The following UBAP2L variants were observed in gnomAD, a reference collection of about 807,000 sequenced individuals.
UBAP2L encodes the protein ubiquitin associated protein 2 like.
A neutral mutation model predicts 130.6 loss-of-function variants in UBAP2L; 12 were observed. That is an observed-to-expected ratio of 0.09 (90% confidence interval 0.06 to 0.15). The LOEUF (loss-of-function observed/expected upper bound fraction) is 0.15. Among genes scored for constraint, UBAP2L ranks in the 10% least tolerant of loss-of-function variants. UBAP2L has a pLI of 1.00. For missense variants in UBAP2L, 965 were observed against 1,332.5 expected (o/e 0.72, Z 4.29); for synonymous variants, 503 against 524.7 (o/e 0.96, Z 0.57).
At chr1:154,220,576 G>T, upstream of UBAP2L, 1 of 671,144 alleles carries the variant, frequency 1.5e-6, no homozygotes, top group East Asian at 2.7e-5. Context: ...ACAGGCAGGA[G>T]AGCTGGGAAA....
At chr1:154,240,638 G>A (rs1207022641) in intron 8 of UBAP2L, among the ~76,000 whole-genome samples, 1 of 152,056 alleles carries the variant, frequency 6.6e-6, no homozygotes, top group East Asian at 1.9e-4. Flanking sequence ...TGCTGAGTAT[G>A]CATTTTTAAT....
intron 20 of UBAP2L, 80 bp from the exon 21 acceptor site, chr1:154,258,897 G>C (rs369640673): frequency 1.7e-6 from 2 of 1,167,270 alleles, no homozygotes; most frequent in South Asian, 1.3e-5. Context: ...ATGTTCTGTT[G>C]AATTAGCTTG....
chr1:154,227,196 G>T, intron 2 of UBAP2L, 86 bp from the exon 3 acceptor site: 1 of 1,110,924 alleles, frequency 9.0e-7, no homozygotes, highest in Non-Finnish European at 1.4e-6. Flanking sequence ...AAGAAAATTG[G>T]GGCAGTGGAG....
intron 15 of UBAP2L, 118 bp from the exon 16 acceptor site, chr1:154,254,718 A>G (rs1473425123): frequency 7.1e-6 from 8 of 1,121,426 alleles, no homozygotes; most frequent in Non-Finnish European, 1.0e-5. Context: ...CTTTTGGTTA[A>G]TTTACAGAGT....
intron 5 of UBAP2L, among the ~76,000 whole-genome samples, chr1:154,234,992 A>G (rs556082127): frequency 6.6e-6 from 1 of 152,294 alleles, no homozygotes; most frequent in East Asian, 1.9e-4. Context: ...TTTGACTTGC[A>G]GCTCTCCATT....
chr1:154,255,553 C>A, intron 17 of UBAP2L, 130 bp from the exon 18 acceptor site: 2 of 1,223,732 alleles, frequency 1.6e-6, no homozygotes, highest in Non-Finnish European at 2.4e-6. Context: ...GGCCATTGTG[C>A]TTAACATATG....
At chr1:154,254,249 G>A (rs1159727956) in intron 15 of UBAP2L, among the ~76,000 whole-genome samples, 160 bp downstream of exon 15, 1 of 152,222 alleles carries the variant, frequency 6.6e-6, no homozygotes, top group Non-Finnish European at 1.5e-5. Flanking sequence ...TGAATTAAAA[G>A]TTCTTATCAG....
chr1:154,237,630 C>G (rs1672104534), intron 8 of UBAP2L, among the ~76,000 whole-genome samples: 1 of 152,166 alleles, frequency 6.6e-6, no homozygotes, highest in Non-Finnish European at 1.5e-5. Flanking sequence ...TATTTGTTTT[C>G]TGTTACTGAG....
intron 23 of UBAP2L, among the ~76,000 whole-genome samples, chr1:154,261,362 C>G (rs1571941311): frequency 6.6e-6 from 1 of 152,204 alleles, no homozygotes; most frequent in African/African-American, 2.4e-5. Context: ...CACTCAGATT[C>G]ATTCATTCCC....
rs141464849 is a variant in UBAP2L at position 154,236,759 on chromosome 1, C to G, written c.590+148C>G. On this transcript the variant is annotated intron_variant, in intron 7 of 26. Coordinates refer to ENST00000428931, the MANE Select transcript of UBAP2L (RefSeq NM_014847.4). ...TTTCTTAGGGATAAACCTTTACCAC[C>G]TGGATCATTACCTATATTTTATATA... The G allele has an allele frequency of 4.0e-4, 309 of 781,360 alleles. 1 individual carries two copies. The African/African-American group carries it at 4.9e-3, about 12-fold the overall frequency. The allele number at this position is 781,360 out of a possible 1,614,324, so 48.4% of individuals were successfully genotyped here. A position where few individuals can be genotyped will look rare whatever the true frequency, so the allele number is the denominator to read the frequency against.
chr1:154,256,969 T>C (rs1167309206), intron 18 of UBAP2L, 94 bp from the exon 19 acceptor site: 56 of 1,415,094 alleles, frequency 4.0e-5, no homozygotes, highest in Non-Finnish European at 5.1e-5. Context: ...GTTGACATCA[T>C]AATATATTCA....
chr1:154,264,137 T>C (rs1254390059), intron 24 of UBAP2L, among the ~76,000 whole-genome samples: 1 of 152,236 alleles, frequency 6.6e-6, no homozygotes, highest in African/African-American at 2.4e-5. Flanking sequence ...CCAGTCCAGC[T>C]AGCATACAAC....
At chr1:154,234,919 C>T in intron 5 of UBAP2L, 160 bp downstream of exon 5, 1 of 943,406 alleles carries the variant, frequency 1.1e-6, no homozygotes. Context: ...TTGCATGTGG[C>T]CTTTTCTACC....
chr1:154,269,699 C>G (rs1267120139), intron 26 of UBAP2L: 2 of 327,238 alleles, frequency 6.1e-6, no homozygotes, highest in South Asian at 5.0e-5. Context: ...CCTCTCATAC[C>G]TGCCTGAAAT....
chr1:154,226,955 T>C (rs1668143190), intron 2 of UBAP2L, among the ~76,000 whole-genome samples: 1 of 152,200 alleles, frequency 6.6e-6, no homozygotes, highest in Admixed American at 6.5e-5. Flanking sequence ...CCCGAGTAGC[T>C]GGACCTACAG....
rs552223962 is a variant in UBAP2L at position 154,256,980 on chromosome 1, G to C, written c.2158-83G>C. On this transcript the variant is annotated intron_variant, in intron 18 of 26. Coordinates refer to ENST00000428931, the MANE Select transcript of UBAP2L (RefSeq NM_014847.4). ...GGAAGTTGACATCATAATATATTCA[G>C]CAGGAGGGATTGTCTTATTTTTCCT... 2.0e-6 allele frequency: 3 copies of C among 1,472,518 alleles called. No individual in the cohort carries two copies. The African/African-American group carries it at 4.2e-5, about 21-fold the overall frequency. 91.2% of individuals were successfully genotyped at this position (1,472,518 alleles called of 1,614,324 possible). A position where few individuals can be genotyped will look rare whatever the true frequency, so the allele number is the denominator to read the frequency against.
intron 24 of UBAP2L, among the ~76,000 whole-genome samples, chr1:154,262,141 A>T (rs982286553): frequency 1.3e-5 from 2 of 152,186 alleles, no homozygotes; most frequent in Admixed American, 1.3e-4. Context: ...TTGTAGCACT[A>T]CTTTTCTTAT....
At chr1:154,262,482 G>A (rs1338851269) in intron 24 of UBAP2L, among the ~76,000 whole-genome samples, 2 of 152,156 alleles carry the variant, frequency 1.3e-5, no homozygotes, top group East Asian at 3.8e-4. Context: ...AGATGAATAG[G>A]GGAGGAGTAG....
chr1:154,271,047 T>C, downstream of UBAP2L: 2 of 1,142,638 alleles, frequency 1.8e-6, no homozygotes, highest in Non-Finnish European at 1.2e-6. Context: ...GGGGATTTCC[T>C]TCCCCTCACC....
Sources: gnomAD v4.1 joint callset for allele counts (sites outside exome capture counted in the v4.1 genomes callset) on GRCh38, gnomAD v4.1.1 for gene constraint, MANE v1.5 for transcripts, NCBI Gene and HGNC (gene_info 2026-07-23, HGNC 2026-07-21) for gene names.